Variants in DNAI1 observed in about 807,000 individuals in gnomAD.
DNAI1 encodes dynein axonemal intermediate chain 1.
DNAI1 carries 67 observed loss-of-function variants against 92.0 expected under a neutral mutation model. The ratio of observed to expected loss-of-function variants is 0.73; its 90% CI spans 0.60 to 0.89. DNAI1 has a LOEUF of 0.89. Ranked by LOEUF, DNAI1 falls within the 40% of genes least tolerant of loss-of-function variation. DNAI1 has a pLI of 0.00. For synonymous variants in DNAI1, 323 were observed against 319.6 expected (o/e 1.01, Z -0.11); for missense variants, 839 against 866.6 (o/e 0.97, Z 0.40).
intron 12 of DNAI1, among the ~76,000 whole-genome samples, chr9:34,505,052 T>C (rs966076129): frequency 4.6e-5 from 7 of 152,118 alleles, no homozygotes; most frequent in African/African-American, 1.7e-4. Flanking sequence ...TACGTTTGGG[T>C]CAATTTTCCC....
In DNAI1 at chr9:34,512,271, C is replaced by T. The variant is rs560253725; in HGVS notation, c.1402-66C>T. 3 of 1,609,916 alleles carry T rather than the reference C, an allele frequency of 1.9e-6. No homozygotes were observed. The African/African-American group carries it at 4.0e-5, about 21-fold the overall frequency. ...GGAGCTAAATGGCAAAGGGCAACCC[C>T]CAGCCTTGCTCATCTAGCCCAACCC... On this transcript the variant is annotated intron_variant, in intron 14 of 19. Coordinates refer to ENST00000242317, the MANE Select transcript of DNAI1 (RefSeq NM_012144.4).
chr9:34,480,593 A>G (rs1824333089), intron 1 of DNAI1, among the ~76,000 whole-genome samples: 1 of 151,996 alleles, frequency 6.6e-6, no homozygotes, highest in African/African-American at 2.4e-5. Context: ...TTTTCTTCTG[A>G]AAAACATTTT....
At chr9:34,482,759 G>A (rs1452290167) in intron 1 of DNAI1, among the ~76,000 whole-genome samples, 4 of 152,264 alleles carry the variant, frequency 2.6e-5, no homozygotes, top group African/African-American at 4.8e-5. Context: ...TGCGCCTTGC[G>A]CTCGCATTCC....
chr9:34,489,402 A>G lies in DNAI1; in HGVS notation c.341A>G (p.Asp114Gly), dbSNP rs147909279. The stretch of plus-strand genomic sequence containing the variant: ...CAGGTTGGGAACCTGATCCCCAAAG[A>G]CTCAGATGAAGGACGGCGGCAGCAT... ...YTQVGNLIPK[D>G]SDEGRRQHYR... is the part of the protein sequence containing the mutation. Residue 114 changes from aspartate (D) to glycine (G), a missense_variant, in exon 5 of 20, where the codon GAC (aspartate) becomes GGC (glycine). Physicochemically the swap from Asp to Gly is moderately conservative, Grantham distance 94. Transcript: ENST00000242317. The G allele has an allele frequency of 5.9e-5, 95 of 1,613,892 alleles. No homozygotes were observed. Among genetic ancestry groups the G allele is most frequent in the Middle Eastern group, 1.6e-4 (1 of 6,070 alleles).
intron 19 of DNAI1, among the ~76,000 whole-genome samples, chr9:34,518,841 G>T (rs1035269868): frequency 6.8e-6 from 1 of 146,450 alleles, no homozygotes; most frequent in Admixed American, 6.7e-5. Flanking sequence ...CTCAGAGAAG[G>T]GTCAGACATG....
chr9:34,481,656 C>T (rs925073643), intron 1 of DNAI1, among the ~76,000 whole-genome samples: 1 of 152,112 alleles, frequency 6.6e-6, no homozygotes, highest in Non-Finnish European at 1.5e-5. Context: ...CTGGTGGGTT[C>T]GTGGTTTCGC....
intron 12 of DNAI1, among the ~76,000 whole-genome samples, chr9:34,505,340 A>G (rs1030676284): frequency 2.0e-5 from 3 of 151,930 alleles, no homozygotes; most frequent in African/African-American, 7.3e-5. Context: ...ATCTGCTTCT[A>G]TGGTTACATC....
At chr9:34,493,165 A>G in intron 8 of DNAI1, 29 bp from the exon 9 acceptor site, 1 of 1,614,204 alleles carries the variant, frequency 6.2e-7, no homozygotes, top group Non-Finnish European at 8.5e-7. Context: ...GCACCTTACA[A>G]TGATCCTTCT....
chr9:34,506,519 A>G (rs1210245958), intron 12 of DNAI1, 108 bp from the exon 13 acceptor site: 8 of 1,461,576 alleles, frequency 5.5e-6, no homozygotes, highest in East Asian at 2.3e-5. Context: ...ACTCTGACAG[A>G]TGCAGAGCAG....
chr9:34,511,762 G>A (rs1311587739), intron 13 of DNAI1, among the ~76,000 whole-genome samples: 1 of 152,138 alleles, frequency 6.6e-6, no homozygotes, highest in Non-Finnish European at 1.5e-5. Flanking sequence ...TTTATGCAAG[G>A]TGGTTGAAGC....
rs1193844119 is a variant in DNAI1 at position 34,520,604 on chromosome 9, C to G, written c.2002-54C>G. The G allele has an allele frequency of 2.7e-6, 4 of 1,507,820 alleles. No individual in the cohort carries two copies. The African/African-American group carries it at 4.2e-5, about 16-fold the overall frequency. 93.4% of individuals were successfully genotyped at this position (1,507,820 alleles called of 1,614,324 possible). On this transcript the variant is annotated intron_variant, in intron 19 of 19. Transcript: ENST00000242317. ...TGGGCAGAGGAGGTGGTGCTGGGAC[C>G]CAGAGAGGGGGGGCCCACCATTCCT...
chr9:34,465,117 G>A (rs1347976899), intron 1 of DNAI1, among the ~76,000 whole-genome samples: 2 of 152,162 alleles, frequency 1.3e-5, no homozygotes, highest in East Asian at 3.8e-4. Context: ...AGTTATTGGG[G>A]ACCTTGGAAA....
intron 1 of DNAI1, among the ~76,000 whole-genome samples, chr9:34,482,763 G>T (rs138839298): frequency 0.05 from 7,548 of 152,372 alleles, 273 homozygotes; most frequent in Non-Finnish European, 0.065. Flanking sequence ...CCTTGCGCTC[G>T]CATTCCTCAG....
At chr9:34,504,708 G>C (rs1824891556) in intron 12 of DNAI1, among the ~76,000 whole-genome samples, 1 of 152,244 alleles carries the variant, frequency 6.6e-6, no homozygotes, top group Non-Finnish European at 1.5e-5. Context: ...AAGCCCAGCT[G>C]CTGGAGAGGC....
chr9:34,477,168 A>G lies in DNAI1; in HGVS notation c.49-6280A>G, dbSNP rs1321441592. Among the ~76,000 whole-genome samples, 5 of 152,010 alleles carry G rather than the reference A, an allele frequency of 3.3e-5. No individual in the cohort carries two copies. In the East Asian group the frequency reaches 7.7e-4, roughly 23 times the overall value. ...GTAGCTGGGACTACAGGCACACACC[A>G]CCACACCCAACTAATTAAAAAAAAT... On this transcript the variant is annotated intron_variant, in intron 1 of 19. Transcript: ENST00000242317.
At chr9:34,469,547 C>CT (rs1174053813) in intron 1 of DNAI1, among the ~76,000 whole-genome samples, 1 of 151,526 alleles carries the variant, frequency 6.6e-6, no homozygotes, top group African/African-American at 2.4e-5. Flanking sequence ...GACTACAGCA[C>CT]TTTTTTTCTT....
intron 4 of DNAI1, among the ~76,000 whole-genome samples, chr9:34,486,949 C>T (rs1385523725): frequency 6.6e-6 from 1 of 152,222 alleles, no homozygotes; most frequent in Non-Finnish European, 1.5e-5. Context: ...TGTGTCACTA[C>T]TTCATTTCTT....
rs765763641 is a variant in DNAI1 at position 34,506,608 on chromosome 9, G to C, written c.1064-19G>C. On this transcript the variant is annotated intron_variant, in intron 12 of 19. Transcript: ENST00000242317. ...GCAGTTGGATCCTCCAACCTCAGCC[G>C]CCCATCTTCCCTGGGTAGATGACTT... is the stretch of plus-strand genomic sequence containing the variant. The C allele has an allele frequency of 1.2e-6, 2 of 1,614,032 alleles. No individual in the cohort carries two copies. Among genetic ancestry groups the C allele is most frequent in the South Asian group, 2.2e-5 (2 of 91,066 alleles).
Position 34,514,348 on chromosome 9 carries a change from T to G in DNAI1, c.1570-46T>G, listed in dbSNP as rs557993302. 42 of 1,608,042 alleles carry G rather than the reference T, an allele frequency of 2.6e-5. No individual in the cohort carries two copies. In the South Asian group the frequency reaches 4.3e-4, roughly 16 times the overall value. ...TCCAGACCCCCAGGGAAGTGGTGGC[T>G]GCTGACCTTTCTCTCACTTCTGACC... On this transcript the variant is annotated intron_variant, in intron 16 of 19. Transcript: ENST00000242317.
Sources: gnomAD v4.1 joint callset for allele counts (sites outside exome capture counted in the v4.1 genomes callset) on GRCh38, gnomAD v4.1.1 for gene constraint, MANE v1.5 for transcripts, NCBI Gene and HGNC (gene_info 2026-07-23, HGNC 2026-07-21) for gene names.